The following AK9 variants were observed in gnomAD, a reference collection of about 807,000 sequenced individuals.
AK9 encodes adenylate kinase 9, also known as adenylate kinase domain containing 1.
In AK9, 191 loss-of-function variants were observed where a neutral mutation model predicts 239.6. That is an observed-to-expected ratio of 0.80 (90% CI 0.71 to 0.90). The LOEUF (loss-of-function observed/expected upper bound fraction) is 0.90. Among genes scored for constraint, AK9 ranks in the 40% least tolerant of loss-of-function variants. AK9 has a pLI of 0.00. For missense variants in AK9, 1,995 were observed against 2,214.7 expected (o/e 0.90, Z 1.99); for synonymous variants, 689 against 721.0 (o/e 0.96, Z 0.71).
chr6:109,646,218 G>A (rs907210094), intron 8 of AK9, among the ~76,000 whole-genome samples: 1 of 152,178 alleles, frequency 6.6e-6, no homozygotes. Flanking sequence ...CACCAGCAAT[G>A]GAAGAAAGCT....
intron 17 of AK9, among the ~76,000 whole-genome samples, chr6:109,591,964 A>AT (rs1163000980): frequency 6.6e-6 from 1 of 152,210 alleles, no homozygotes; most frequent in Non-Finnish European, 1.5e-5. Flanking sequence ...AAAATAAAGT[A>AT]TAAAAACTGG....
At chr6:109,617,733 A>G (rs1794343210) in intron 13 of AK9, among the ~76,000 whole-genome samples, 1 of 152,208 alleles carries the variant, frequency 6.6e-6, no homozygotes, top group Admixed American at 6.6e-5. Flanking sequence ...ACAATTAACC[A>G]TTACAAACAT....
At chr6:109,653,008 C>T (rs940680842) in intron 8 of AK9, among the ~76,000 whole-genome samples, 6 of 152,026 alleles carry the variant, frequency 3.9e-5, no homozygotes, top group African/African-American at 1.5e-4. Context: ...CTCACTGCAA[C>T]CTCCACCCAC....
intron 10 of AK9, among the ~76,000 whole-genome samples, chr6:109,638,805 C>T (rs2128282827): frequency 6.6e-6 from 1 of 152,196 alleles, no homozygotes; most frequent in African/African-American, 2.4e-5. Flanking sequence ...TCCCCCAGAT[C>T]CCCACCCCAC....
intron 21 of AK9, among the ~76,000 whole-genome samples, chr6:109,569,050 C>G (rs958752984): frequency 2.0e-5 from 3 of 152,248 alleles, no homozygotes; most frequent in Non-Finnish European, 2.9e-5. Flanking sequence ...CTACAGTAAC[C>G]AAAACAGTAT....
intron 15 of AK9, among the ~76,000 whole-genome samples, chr6:109,613,667 T>C (rs1327366909): frequency 2.0e-5 from 3 of 151,450 alleles, no homozygotes; most frequent in Admixed American, 2.0e-4. Context: ...AGTAAAAAAA[T>C]GTAAAAACAG....
intron 17 of AK9, among the ~76,000 whole-genome samples, chr6:109,602,114 C>G (rs1323701725): frequency 1.3e-5 from 2 of 152,182 alleles, no homozygotes; most frequent in Non-Finnish European, 2.9e-5. Context: ...TTGATCCTGT[C>G]ATTATGATAT....
Position 109,511,770 on chromosome 6 carries a change from C to T in AK9, c.4280-2390G>A, listed in dbSNP as rs73520993. Among the ~76,000 whole-genome samples the T allele has an allele frequency of 6.1e-3, 935 of 152,164 alleles. 14 individuals carry two copies. The highest frequency in any genetic ancestry group is 0.021 in the African/African-American group (882 of 41,514). ...CTTCAGCTTTGCACAAATGCTGGAA[C>T]GAAATCTGTTTTTTTTAAAGTTCTA... is the stretch of plus-strand genomic sequence containing the variant. On this transcript the variant is annotated intron_variant, in intron 32 of 40. Coordinates refer to ENST00000424296, the MANE Select transcript of AK9 (RefSeq NM_001145128.3).
At chr6:109,563,469 A>G in intron 24 of AK9, 128 bp downstream of exon 24, 2 of 1,357,606 alleles carry the variant, frequency 1.5e-6, no homozygotes, top group Non-Finnish European at 1.9e-6. Context: ...AAGCTGAGGC[A>G]GAGGGAGAAT....
rs1175809093 is a variant in AK9 at position 109,497,878 on chromosome 6, G to A, written c.5134C>T (p.Leu1712=). 3 of 1,614,058 alleles carry A rather than the reference G, an allele frequency of 1.9e-6. No homozygotes were observed. ...SADMIPKRLT[L]SELKSRFPKC... is the part of the protein sequence containing the mutation. ...GGGAATCGACTCTTCAGCTCTGACA[G>A]TGTCAGTCTTTTGGGGATCATGTCA... Residue 1712 remains leucine (L), a synonymous_variant, in exon 37 of 41, where the codon CTG becomes TTG. Coordinates refer to ENST00000424296, the MANE Select transcript of AK9 (RefSeq NM_001145128.3).
chr6:109,657,621 A>G (rs543946155), intron 7 of AK9, among the ~76,000 whole-genome samples: 1 of 151,552 alleles, frequency 6.6e-6, no homozygotes, highest in South Asian at 2.1e-4. Context: ...ACATATGTAT[A>G]CACGTGCCAT....
At chr6:109,640,665 C>A (rs962219883) in intron 10 of AK9, among the ~76,000 whole-genome samples, 1 of 151,758 alleles carries the variant, frequency 6.6e-6, no homozygotes, top group Non-Finnish European at 1.5e-5. Context: ...GATCCTTCCA[C>A]CTCAGCCTTC....
Position 109,598,931 on chromosome 6 carries a change from T to C in AK9, c.1842+11434A>G, listed in dbSNP as rs540294846. Among the ~76,000 whole-genome samples the C allele has an allele frequency of 9.9e-5, 15 of 152,092 alleles. No homozygotes were observed. In the East Asian group the frequency reaches 2.7e-3, roughly 27 times the overall value. ...CTTGTTGATGGGGTTGTTTGTTTTT[T>C]TCTTGTAAATTTGTTTGAGTTCTTT... On this transcript the variant is annotated intron_variant, in intron 17 of 40. Transcript: ENST00000424296.
intron 13 of AK9, 135 bp from the exon 14 acceptor site, chr6:109,614,615 T>C: frequency 1.5e-6 from 1 of 679,778 alleles, no homozygotes; most frequent in Non-Finnish European, 2.5e-6. Flanking sequence ...AAGGGCTGTG[T>C]GACTTTGGTA....
intron 6 of AK9, chr6:109,661,045 G>A: frequency 2.5e-6 from 1 of 408,120 alleles, no homozygotes; most frequent in Non-Finnish European, 4.8e-6. Context: ...TGAATGCTTA[G>A]GGATTTATGG....
chr6:109,634,721 A>G lies in AK9; in HGVS notation c.934-1398T>C, dbSNP rs538241959. The stretch of plus-strand genomic sequence containing the variant: ...TTGTATAAGACTGAGAACCTCATCC[A>G]TGGAGCACATTAAGCTACAGGCCTT... On this transcript the variant is annotated intron_variant, in intron 10 of 40. Transcript: ENST00000424296. Among the ~76,000 whole-genome samples, 7 of 152,344 alleles carry G rather than the reference A, an allele frequency of 4.6e-5. 1 individual carries two copies. Among genetic ancestry groups the G allele is most frequent in the African/African-American group, 9.6e-5 (4 of 41,584 alleles).
At chr6:109,580,132 T>C (rs1044472777) in intron 19 of AK9, among the ~76,000 whole-genome samples, 1 of 152,190 alleles carries the variant, frequency 6.6e-6, no homozygotes, top group South Asian at 2.1e-4. Flanking sequence ...TGCATTAAAA[T>C]TTTTTCTATA....
At chr6:109,679,598 G>A (rs907836522) in intron 1 of AK9, among the ~76,000 whole-genome samples, 2 of 152,194 alleles carry the variant, frequency 1.3e-5, no homozygotes, top group African/African-American at 4.8e-5. Flanking sequence ...CAGTGCTTGA[G>A]CTCTGCTAAG....
chr6:109,543,380 T>C (rs1339567268), intron 26 of AK9, among the ~76,000 whole-genome samples: 1 of 152,146 alleles, frequency 6.6e-6, no homozygotes, highest in Non-Finnish European at 1.5e-5. Context: ...CAAAAAACTG[T>C]AGACAAGCAG....
Sources: allele counts gnomAD v4.1 joint callset (sites outside exome capture counted in the v4.1 genomes callset), GRCh38; gene constraint gnomAD v4.1.1; transcripts MANE v1.5; gene names NCBI Gene and HGNC (gene_info 2026-07-23, HGNC 2026-07-21).